The following DISP1 variants were observed in gnomAD, a reference collection of about 807,000 sequenced individuals.
DISP1 encodes protein dispatched homolog 1.
Under a neutral mutation model 37.3 loss-of-function variants are expected in DISP1, and 30 were observed. The observed-to-expected ratio is 0.80, with a 90% CI of 0.60 to 1.09. The LOEUF is 1.09. Among genes scored for constraint, DISP1 ranks in the 50% least tolerant of loss-of-function variants. DISP1 has a pLI of 0.00. For synonymous variants in DISP1, 634 were observed against 690.2 expected (o/e 0.92, Z 1.28); for missense variants, 1,598 against 1,879.5 (o/e 0.85, Z 2.77).
intron 1 of DISP1, among the ~76,000 whole-genome samples, chr1:222,873,419 G>A (rs1224012850): frequency 2.0e-5 from 3 of 150,884 alleles, no homozygotes; most frequent in African/African-American, 7.3e-5. Context: ...AAGTCTCTTT[G>A]TAGGTCTCTA....
At chr1:222,856,457 A>G (rs372332116) in intron 1 of DISP1, among the ~76,000 whole-genome samples, 1 of 152,360 alleles carries the variant, frequency 6.6e-6, no homozygotes, top group South Asian at 2.1e-4. Flanking sequence ...CCACACTGAC[A>G]CAACTAGACT....
chr1:222,978,913 G>T (rs1364729867), intron 3 of DISP1, among the ~76,000 whole-genome samples: 5 of 152,136 alleles, frequency 3.3e-5, no homozygotes, highest in Non-Finnish European at 5.9e-5. Flanking sequence ...ATGCTGTTTT[G>T]GTTACTGTAG....
chr1:223,003,755 C>T lies in DISP1; in HGVS notation c.2358C>T (p.Pro786=), dbSNP rs1679662725. 2.5e-6 allele frequency: 4 copies of T among 1,614,162 alleles called. No homozygotes were observed. Among genetic ancestry groups the T allele is most frequent in the African/African-American group, 1.3e-5 (1 of 75,042 alleles). Residue 786 remains proline, a synonymous_variant, in exon 9 of 9, where the codon CCC becomes CCT. Transcript: ENST00000675850. The surrounding 1 kb of genome is among the most constrained non-coding windows in gnomAD (Gnocchi z 4.3). ...ACCATGGCGAGGAGCTCCACATGCC[C>T]ATCACAGTAATCTGGGGCGTGTCCC... is the stretch of plus-strand genomic sequence containing the variant. ...RVHHGEELHM[P]ITVIWGVSPE... is the part of the protein sequence containing the mutation.
At chr1:222,842,804 C>T (rs1667689090) in intron 1 of DISP1, among the ~76,000 whole-genome samples, 1 of 151,940 alleles carries the variant, frequency 6.6e-6, no homozygotes, top group East Asian at 1.9e-4. Flanking sequence ...GACCTCAGAA[C>T]CTTTTCTTTC....
At chr1:222,819,538 C>CTTTTTTTTTTTTTTTT (rs762729584) in intron 1 of DISP1, among the ~76,000 whole-genome samples, 1 of 118,294 alleles carries the variant, frequency 8.5e-6, no homozygotes, top group Non-Finnish European at 1.7e-5. Context: ...ACACACATAT[C>CTTTTTTTTTTTTTTTT]TTTTTTTTTT....
intron 3 of DISP1, among the ~76,000 whole-genome samples, chr1:222,955,336 C>T (rs1164846294): frequency 6.6e-6 from 1 of 152,112 alleles, no homozygotes; most frequent in Non-Finnish European, 1.5e-5. Context: ...CTACCTGCCT[C>T]GACCTCCCAA....
At chr1:222,849,546 T>TA (rs1313096400) in intron 1 of DISP1, among the ~76,000 whole-genome samples, 1 of 151,990 alleles carries the variant, frequency 6.6e-6, no homozygotes, top group African/African-American at 2.4e-5. Context: ...AACAGTATTG[T>TA]AAAAAATAAC....
intron 3 of DISP1, among the ~76,000 whole-genome samples, chr1:222,967,695 T>C (rs1306771261): frequency 6.6e-6 from 1 of 152,204 alleles, no homozygotes; most frequent in Middle Eastern, 3.2e-3. Flanking sequence ...CTGGGAAAAC[T>C]TAGTAAGCTC....
At chr1:222,912,609 TCTC>T (rs1672271611) in intron 1 of DISP1, among the ~76,000 whole-genome samples, 1 of 152,154 alleles carries the variant, frequency 6.6e-6, no homozygotes, top group Non-Finnish European at 1.5e-5. Flanking sequence ...TTCCTCATTC[TCTC>T]CTCCTCTATT....
chr1:222,889,074 G>GT (rs977982604), intron 1 of DISP1, among the ~76,000 whole-genome samples: 4 of 151,934 alleles, frequency 2.6e-5, no homozygotes, highest in Non-Finnish European at 2.9e-5. Flanking sequence ...TAAGATAAAT[G>GT]TTTTTTTCCC....
chr1:222,907,741 G>A (rs1671981224), intron 1 of DISP1, among the ~76,000 whole-genome samples: 1 of 152,176 alleles, frequency 6.6e-6, no homozygotes, highest in South Asian at 2.1e-4. Context: ...CACGAGGTCA[G>A]GAGTTTGAGA....
chr1:222,931,224 AC>A, intron 2 of DISP1, among the ~76,000 whole-genome samples: 1 of 151,640 alleles, frequency 6.6e-6, no homozygotes, highest in African/African-American at 2.4e-5. Flanking sequence ...AAATTCTCTC[AC>A]ATTCTTTTGC....
chr1:222,910,174 G>A (rs992582591), intron 1 of DISP1, among the ~76,000 whole-genome samples: 5 of 152,078 alleles, frequency 3.3e-5, no homozygotes, highest in Admixed American at 2.6e-4. Context: ...GACCAGCTGA[G>A]CAACATGGCA....
intron 4 of DISP1, among the ~76,000 whole-genome samples, chr1:222,990,420 A>G (rs532841015): frequency 6.6e-6 from 1 of 152,346 alleles, no homozygotes; most frequent in South Asian, 2.1e-4. Flanking sequence ...TGATCTTGTA[A>G]CTTTCTACTA....
chr1:222,984,547 G>T (rs1225510154), intron 4 of DISP1, among the ~76,000 whole-genome samples: 1 of 148,170 alleles, frequency 6.7e-6, no homozygotes, highest in Non-Finnish European at 1.5e-5. Context: ...TTATATGATA[G>T]ATATAACATG....
chr1:222,856,943 A>G (rs1668586235), intron 1 of DISP1, among the ~76,000 whole-genome samples: 1 of 152,024 alleles, frequency 6.6e-6, no homozygotes, highest in Admixed American at 6.6e-5. Context: ...ACCTCATGTG[A>G]TCTGCCTGCC....
chr1:222,982,300 C>T (rs1341265381), intron 3 of DISP1, among the ~76,000 whole-genome samples: 1 of 152,202 alleles, frequency 6.6e-6, no homozygotes, highest in Non-Finnish European at 1.5e-5. Context: ...TCACAAACCC[C>T]ATGAAAGGGT....
intron 1 of DISP1, among the ~76,000 whole-genome samples, chr1:222,922,960 G>A (rs972462878): frequency 1.3e-5 from 2 of 152,026 alleles, no homozygotes; most frequent in African/African-American, 4.8e-5. Context: ...TATTGAGAAA[G>A]GACCACTGGG....
At chr1:222,948,069 G>T (rs1347013037) in intron 3 of DISP1, among the ~76,000 whole-genome samples, 1 of 152,186 alleles carries the variant, frequency 6.6e-6, no homozygotes, top group Non-Finnish European at 1.5e-5. Flanking sequence ...TGGGTAGATG[G>T]TAATGCCATT....
Sources: allele counts gnomAD v4.1 joint callset (sites outside exome capture counted in the v4.1 genomes callset), GRCh38; gene constraint gnomAD v4.1.1; non-coding constraint Gnocchi (gnomAD v3.1); transcripts MANE v1.5; gene names NCBI Gene and HGNC (gene_info 2026-07-23, HGNC 2026-07-21).